The following TLE2 variants were observed in gnomAD, a reference collection of about 807,000 sequenced individuals.
TLE2 encodes transducin-like enhancer protein 2.
Under a neutral mutation model 97.2 loss-of-function variants are expected in TLE2, and 74 were observed. The ratio of observed to expected loss-of-function variants is 0.76; its 90% CI spans 0.63 to 0.92. The LOEUF (loss-of-function observed/expected upper bound fraction) is 0.92, where lower values mean the gene tolerates loss of function less well. Ranked by LOEUF, TLE2 falls within the 40% of genes least tolerant of loss-of-function variation. The pLI is 0.00. For synonymous variants in TLE2, 499 were observed against 432.1 expected (o/e 1.15, Z -1.92); for missense variants, 1,038 against 1,008.7 (o/e 1.03, Z -0.39).
At position 3,006,412 on chromosome 19, in the gene TLE2, G is replaced by T; in HGVS notation, c.1500+8C>A. ...TGAGTCCCGCCCACTGTCCCACCCC[G>T]CCCTCACCAGGCAGTCGAGCTGGGC... On this transcript the variant is annotated splice_region_variant and intron_variant, in intron 15 of 19. Transcript: ENST00000262953. The T allele has an allele frequency of 6.2e-7, 1 of 1,601,164 alleles. No homozygotes were observed. Among genetic ancestry groups the T allele is most frequent in the Non-Finnish European group, 8.5e-7 (1 of 1,175,042 alleles).
Position 3,014,601 on chromosome 19 carries a change from T to G in TLE2, c.692A>C (p.Asp231Ala). 1 of 1,590,948 alleles carries G rather than the reference T, an allele frequency of 6.3e-7. No individual in the cohort carries two copies. Among genetic ancestry groups the G allele is most frequent in the Non-Finnish European group, 8.6e-7 (1 of 1,168,368 alleles). Residue 231 changes from aspartate (D) to alanine (A), a missense_variant, in exon 10 of 20, where the codon GAC (aspartate) becomes GCC (alanine). Coordinates refer to ENST00000262953, the MANE Select transcript of TLE2 (RefSeq NM_003260.5). ...CACCACCAGATTGTAATCACTCTTG[T>G]CTTCGTCGCTTTCCTGGGGGAAGAT... ...EPSGPYESDE[D>A]KSDYNLVVDE...
At position 3,015,563 on chromosome 19, in the gene TLE2, T is replaced by C. The variant is rs1012884213; in HGVS notation, c.678+90A>G. On this transcript the variant is annotated intron_variant, in intron 9 of 19. Coordinates refer to ENST00000262953, the MANE Select transcript of TLE2 (RefSeq NM_003260.5). ...GGGAGGCTCCGGAGTGAGAGAATTA[T>C]GGCCAGAGCTGGGCTCTGGAAGGCT... 23 of 1,001,310 alleles carry C rather than the reference T, an allele frequency of 2.3e-5. 1 individual carries two copies. In the Admixed American group the frequency reaches 4.1e-4, roughly 18 times the overall value. The allele number at this position is 1,001,310 out of a possible 1,614,324, so 62.0% of individuals were successfully genotyped here.
Position 3,028,233 on chromosome 19 carries a change from G to C in TLE2, c.186+86C>G, listed in dbSNP as rs2089977943. ...ACAGACGGGGAAGACGAGGTTCGGA[G>C]TGGGGCAGGGACCTACCCCAGAGTC... On this transcript the variant is annotated intron_variant, in intron 3 of 19. Transcript: ENST00000262953. 6.0e-6 allele frequency: 8 copies of C among 1,344,336 alleles called. No homozygotes were observed. The South Asian group carries it at 1.0e-4, about 17-fold the overall frequency. 83.3% of individuals were successfully genotyped at this position (1,344,336 alleles called of 1,614,324 possible).
intron 19 of TLE2, among the ~76,000 whole-genome samples, chr19:2,998,535 C>T (rs540920955): frequency 6.6e-6 from 1 of 152,212 alleles, no homozygotes; most frequent in Admixed American, 6.6e-5. Flanking sequence ...GCCTTGGTCT[C>T]CCAAAGTGTT....
At position 2,997,904 on chromosome 19, in the gene TLE2, A is replaced by C; in HGVS notation, c.2176T>G (p.Tyr726Asp). Residue 726 changes from tyrosine to aspartate, a missense_variant, in exon 20 of 20, where the codon TAC (tyrosine) becomes GAC (aspartate). Physicochemically the swap from Tyr to Asp is radical, Grantham distance 160 (BLOSUM62 -3). Coordinates refer to ENST00000262953, the MANE Select transcript of TLE2 (RefSeq NM_003260.5). ...LSCDISRNNKYIVTGSGDKKA... is the reference protein window; with the variant it reads ...LSCDISRNNKDIVTGSGDKKA... The stretch of plus-strand genomic sequence containing the variant: ...TTGTCCCCCGAGCCTGTCACGATGT[A>C]TTTGTTATTTCTGGAGATGTCACAA... 1.2e-6 allele frequency: 2 copies of C among 1,613,098 alleles called. No individual in the cohort carries two copies. Among genetic ancestry groups the C allele is most frequent in the Non-Finnish European group, 1.7e-6 (2 of 1,179,626 alleles).
At position 3,002,690 on chromosome 19, in the gene TLE2, C is replaced by T. The variant is rs58528928; in HGVS notation, c.1897-187G>A. Among the ~76,000 whole-genome samples, 116 of 151,372 alleles carry T rather than the reference C, an allele frequency of 7.7e-4. 1 individual carries two copies. The East Asian group carries it at 0.019, about 25-fold the overall frequency. On this transcript the variant is annotated intron_variant, in intron 17 of 19. Transcript: ENST00000262953. ...AGCTGAGACTACAGGCATGCACCAT[C>T]ACGCTGGATAATCTTTTTTTTTTTT...
intron 10 of TLE2, among the ~76,000 whole-genome samples, chr19:3,014,167 G>A (rs1012079290): frequency 1.3e-5 from 2 of 152,028 alleles, no homozygotes; most frequent in African/African-American, 4.8e-5. Flanking sequence ...TGATCCATTC[G>A]CCTCAGCCTC....
In TLE2 at chr19:3,029,271, G is replaced by T. The variant is rs1248449428; in HGVS notation, c.-367C>A. On this transcript the variant is annotated 5_prime_UTR_variant, in exon 1 of 20. Coordinates refer to ENST00000262953, the MANE Select transcript of TLE2 (RefSeq NM_003260.5). ...CCGCGCGGAGCCGCCTCCCTCCGGC[G>T]GGGCTCGGCCGGGAGCCGCGGGCTG... The T allele has an allele frequency of 9.1e-6, 2 of 220,316 alleles. No homozygotes were observed. The highest frequency in any genetic ancestry group is 2.4e-5 in the African/African-American group (1 of 41,814). The allele number at this position is 220,316 out of a possible 1,614,324, so 13.6% of individuals were successfully genotyped here.
chr19:3,005,665 C>G, intron 16 of TLE2, 56 bp downstream of exon 16: 1 of 1,606,968 alleles, frequency 6.2e-7, no homozygotes, highest in Non-Finnish European at 8.5e-7. Flanking sequence ...CTCCACTCCC[C>G]CTGCACCGAG....
At chr19:3,027,427 AACTTCAG>A (rs1202857435) in intron 4 of TLE2, among the ~76,000 whole-genome samples, 2 of 152,190 alleles carry the variant, frequency 1.3e-5, no homozygotes, top group Non-Finnish European at 2.9e-5. Flanking sequence ...TCCATCTCAA[AACTTCAG>A]ACTTTCTGGG....
chr19:3,045,868 G>A (rs966937821), upstream of TLE2: 2 of 336,180 alleles, frequency 5.9e-6, no homozygotes, highest in African/African-American at 4.3e-5. Flanking sequence ...TGAATTTCCT[G>A]CATTTGAATC....
chr19:3,009,382 T>TC (rs982891982), intron 13 of TLE2, among the ~76,000 whole-genome samples, 160 bp downstream of exon 13: 1 of 152,248 alleles, frequency 6.6e-6, no homozygotes. Flanking sequence ...CTTGTGGGAC[T>TC]ACTGAGACCC....
intron 17 of TLE2, among the ~76,000 whole-genome samples, chr19:3,004,364 G>A (rs968801757): frequency 3.3e-5 from 5 of 151,920 alleles, no homozygotes; most frequent in African/African-American, 1.2e-4. Flanking sequence ...GGGAGGGCAA[G>A]CGCGGTGGCT....
chr19:2,998,219 C>T (rs1228510764), intron 19 of TLE2, among the ~76,000 whole-genome samples: 3 of 148,650 alleles, frequency 2.0e-5, no homozygotes, highest in Admixed American at 6.7e-5. Flanking sequence ...TATAGGCGCC[C>T]GCAACCACGC....
chr19:3,041,933 G>A (rs1168515828), intron 1 of TLE2, among the ~76,000 whole-genome samples: 3 of 150,638 alleles, frequency 2.0e-5, no homozygotes, highest in Non-Finnish European at 3.0e-5. Flanking sequence ...GGGGGGCCCC[G>A]AGTCCCAGGG....
chr19:3,027,770 C>A, intron 4 of TLE2, 59 bp downstream of exon 4: 1 of 1,571,838 alleles, frequency 6.4e-7, no homozygotes, highest in Non-Finnish European at 8.7e-7. Flanking sequence ...CTGGGTCCTT[C>A]TCAGGGCTTC....
At chr19:3,004,614 C>CAA (rs61444494) in intron 17 of TLE2, among the ~76,000 whole-genome samples, 1,190 of 88,840 alleles carry the variant, frequency 0.013, 13 homozygotes, top group Non-Finnish European at 0.023. Context: ...AACTCTGTCT[C>CAA]AAAAAAAAAA....
intron 19 of TLE2, 112 bp from the exon 20 acceptor site, chr19:2,998,067 G>C: frequency 1.4e-6 from 1 of 690,564 alleles, no homozygotes. Context: ...CTCGCCTACA[G>C]AGTGACGTGT....
chr19:3,018,394 G>A (rs1263344030), intron 7 of TLE2, among the ~76,000 whole-genome samples: 1 of 151,928 alleles, frequency 6.6e-6, no homozygotes, highest in Non-Finnish European at 1.5e-5. Context: ...CCAGGTTCAA[G>A]CAATTCTCTT....
Sources: allele counts gnomAD v4.1 joint callset (sites outside exome capture counted in the v4.1 genomes callset), GRCh38; gene constraint gnomAD v4.1.1; transcripts MANE v1.5; gene names NCBI Gene and HGNC (gene_info 2026-07-23, HGNC 2026-07-21).